KCNH1: variants seen among roughly 807,000 people sequenced by gnomAD.
The protein encoded by KCNH1 is voltage-gated delayed rectifier potassium channel KCNH1.
In KCNH1, 27 loss-of-function variants were observed where a neutral mutation model predicts 69.2. That is an observed-to-expected ratio of 0.39 (90% CI 0.29 to 0.54). KCNH1 has a LOEUF of 0.54. Ranked by LOEUF, KCNH1 falls within the 20% of genes least tolerant of loss-of-function variation. The probability of loss-of-function intolerance (pLI) is 0.68; values close to 1 mark genes in which losing one functional copy is unlikely to be tolerated. For missense variants in KCNH1, 798 were observed against 1,261.6 expected, an observed-to-expected ratio of 0.63 and a Z score of 5.57; for synonymous variants, 456 against 487.7, an observed-to-expected ratio of 0.93 and a Z score of 0.86.
chr1:210,906,503 A>C (rs961869980), intron 7 of KCNH1, among the ~76,000 whole-genome samples: 3 of 152,220 alleles, frequency 2.0e-5, no homozygotes, highest in African/African-American at 7.2e-5. Context: ...GTCATTCCAC[A>C]CAGTGACCGT....
chr1:210,920,172 T>C (rs1687430335), intron 6 of KCNH1, 103 bp from the exon 7 acceptor site: 3 of 979,790 alleles, frequency 3.1e-6, no homozygotes, highest in East Asian at 2.6e-5. Flanking sequence ...TGTATTTCCA[T>C]GAGATGCAAT....
intron 7 of KCNH1, among the ~76,000 whole-genome samples, chr1:210,812,551 TC>T (rs1684728166): frequency 1.3e-5 from 2 of 152,238 alleles, no homozygotes; most frequent in South Asian, 2.1e-4. Flanking sequence ...TGTATGAATT[TC>T]CCTTAAAACA....
At chr1:210,847,734 A>G (rs1417932676) in intron 7 of KCNH1, among the ~76,000 whole-genome samples, 1 of 151,842 alleles carries the variant, frequency 6.6e-6, no homozygotes. Flanking sequence ...GTATAATAAT[A>G]ATAAAATTTT....
At chr1:210,945,885 T>C (rs1687950124) in intron 6 of KCNH1, among the ~76,000 whole-genome samples, 1 of 152,150 alleles carries the variant, frequency 6.6e-6, no homozygotes, top group African/African-American at 2.4e-5. Flanking sequence ...CCAGACCCCC[T>C]TCCCTGTTTC....
chr1:211,079,370 C>A (rs569780893), intron 5 of KCNH1, among the ~76,000 whole-genome samples: 2 of 152,142 alleles, frequency 1.3e-5, no homozygotes, highest in African/African-American at 2.4e-5. Flanking sequence ...GGATTCACAG[C>A]GAAATTCTAC....
At chr1:211,105,492 A>G (rs1232737123) in intron 2 of KCNH1, among the ~76,000 whole-genome samples, 1 of 152,242 alleles carries the variant, frequency 6.6e-6, no homozygotes, top group Non-Finnish European at 1.5e-5. Context: ...AATGCTTACA[A>G]CGCACAAAAT....
chr1:211,037,845 A>G (rs1364331362), intron 5 of KCNH1, among the ~76,000 whole-genome samples: 1 of 152,110 alleles, frequency 6.6e-6, no homozygotes, highest in African/African-American at 2.4e-5. Context: ...GGGAGACCCA[A>G]AGGAAGGTAA....
intron 5 of KCNH1, among the ~76,000 whole-genome samples, chr1:211,030,383 T>A (rs1689760821): frequency 6.6e-6 from 1 of 152,160 alleles, no homozygotes; most frequent in Non-Finnish European, 1.5e-5. Context: ...AGCACAGTAA[T>A]GAAGACTATG....
At chr1:210,779,509 G>A (rs1009938870) in intron 9 of KCNH1, among the ~76,000 whole-genome samples, 6 of 152,110 alleles carry the variant, frequency 3.9e-5, no homozygotes, top group African/African-American at 7.2e-5. Flanking sequence ...TCAGAAGCCC[G>A]GACAAGCACT....
chr1:210,704,958 G>C (rs938947334), intron 10 of KCNH1, among the ~76,000 whole-genome samples: 2 of 152,116 alleles, frequency 1.3e-5, no homozygotes, highest in African/African-American at 4.8e-5. Flanking sequence ...CCCTTCTCTG[G>C]GGTTTGTGGG....
intron 7 of KCNH1, among the ~76,000 whole-genome samples, chr1:210,849,566 A>G (rs1574294764): frequency 6.6e-6 from 1 of 151,908 alleles, no homozygotes; most frequent in Non-Finnish European, 1.5e-5. Context: ...GGGTTTCTCC[A>G]TGTTGGTTAG....
At chr1:211,031,003 G>A (rs893749311) in intron 5 of KCNH1, among the ~76,000 whole-genome samples, 1 of 151,990 alleles carries the variant, frequency 6.6e-6, no homozygotes, top group African/African-American at 2.4e-5. Flanking sequence ...CAACTCATTA[G>A]CCATTCAGGA....
intron 5 of KCNH1, among the ~76,000 whole-genome samples, chr1:211,032,117 A>G (rs1029389607): frequency 2.0e-5 from 3 of 152,092 alleles, no homozygotes; most frequent in African/African-American, 7.3e-5. Context: ...TACACCAATA[A>G]CAGACAAACA....
intron 7 of KCNH1, among the ~76,000 whole-genome samples, chr1:210,866,484 T>C (rs1286504413): frequency 1.3e-5 from 2 of 152,156 alleles, no homozygotes; most frequent in East Asian, 1.9e-4. Context: ...AAAGAAGATA[T>C]AGAAATGGCC....
chr1:210,810,209 T>C (rs1684674143), intron 7 of KCNH1, among the ~76,000 whole-genome samples: 1 of 152,182 alleles, frequency 6.6e-6, no homozygotes, highest in Admixed American at 6.5e-5. Context: ...AAAGTGGAAA[T>C]CATTTCTCTC....
chr1:210,982,760 T>C (rs1044640419), intron 6 of KCNH1, among the ~76,000 whole-genome samples: 2 of 152,214 alleles, frequency 1.3e-5, no homozygotes, highest in African/African-American at 4.8e-5. Flanking sequence ...AGCAGCATGA[T>C]TTATAATCCT....
intron 5 of KCNH1, among the ~76,000 whole-genome samples, chr1:211,081,777 T>C (rs893725141): frequency 9.2e-5 from 14 of 152,064 alleles, no homozygotes; most frequent in African/African-American, 2.9e-4. Context: ...ATGAGAACAC[T>C]TGGACACAGG....
intron 10 of KCNH1, among the ~76,000 whole-genome samples, chr1:210,690,864 G>T (rs1431552548): frequency 6.6e-6 from 1 of 152,158 alleles, no homozygotes; most frequent in East Asian, 1.9e-4. Flanking sequence ...GAGATGCCAG[G>T]CTCGGGAGAT....
At chr1:210,871,070 G>C (rs2358094) in intron 7 of KCNH1, among the ~76,000 whole-genome samples, 35,929 of 152,038 alleles carry the variant, frequency 0.24, 4,429 homozygotes, top group African/African-American at 0.32. Context: ...TTAAACTAAA[G>C]AGCTTCTGCA....
Sources: allele counts gnomAD v4.1 joint callset (sites outside exome capture counted in the v4.1 genomes callset), GRCh38; gene constraint gnomAD v4.1.1; transcripts MANE v1.5; gene names NCBI Gene and HGNC (gene_info 2026-07-23, HGNC 2026-07-21).